Variants in REV3L observed in about 807,000 individuals in gnomAD.
The protein encoded by REV3L is REV3 like, DNA directed polymerase zeta catalytic subunit.
A neutral mutation model predicts 299.4 loss-of-function variants in REV3L; 69 were observed. That is an observed-to-expected ratio of 0.23 (90% confidence interval 0.19 to 0.28). The LOEUF is 0.28. REV3L is among the 10% of genes least tolerant of loss of function. The pLI is 1.00. For missense variants in REV3L, 3,128 were observed against 3,693.8 expected, an observed-to-expected ratio of 0.85 and a Z score of 3.97; for synonymous variants, 1,238 against 1,271.4, an observed-to-expected ratio of 0.97 and a Z score of 0.56.
intron 1 of REV3L, among the ~76,000 whole-genome samples, chr6:111,417,570 G>A (rs1311192875): frequency 6.6e-6 from 1 of 151,986 alleles, no homozygotes; most frequent in Non-Finnish European, 1.5e-5. Context: ...GCTTCACTGG[G>A]CCTTTTCTTT....
At chr6:111,341,701 C>T (rs1452942318) in intron 21 of REV3L, among the ~76,000 whole-genome samples, 3 of 152,030 alleles carry the variant, frequency 2.0e-5, no homozygotes, top group Non-Finnish European at 4.4e-5. Flanking sequence ...GCTCACAGCT[C>T]GAGTCTGTGG....
intron 2 of REV3L, among the ~76,000 whole-genome samples, chr6:111,412,669 CAAAT>C (rs1784368394): frequency 6.7e-6 from 1 of 150,288 alleles, no homozygotes; most frequent in African/African-American, 2.5e-5. Flanking sequence ...TAGTGGACAT[CAAAT>C]AAAGGACTAA....
chr6:111,449,066 G>A (rs969097823), intron 1 of REV3L, among the ~76,000 whole-genome samples: 1 of 152,116 alleles, frequency 6.6e-6, no homozygotes, highest in Non-Finnish European at 1.5e-5. Context: ...TAATGCTTGA[G>A]CTTAAACTTT....
intron 15 of REV3L, 39 bp from the exon 16 acceptor site, chr6:111,364,017 A>T: frequency 6.4e-7 from 1 of 1,571,788 alleles, no homozygotes; most frequent in Non-Finnish European, 8.6e-7. Context: ...CCAGAAAAAG[A>T]TACATGAGCA....
In REV3L at chr6:111,349,307, C is replaced by G; in HGVS notation, c.7330G>C (p.Glu2444Gln). 6.2e-7 allele frequency: 1 copy of G among 1,600,256 alleles called. No homozygotes were observed. The change falls in exon 20 of 32, where the codon GAA becomes CAA. Residue 2444 changes from glutamate (E) to glutamine (Q), a missense_variant. By Grantham distance (29) the Glu-to-Gln change is conservative (BLOSUM62 2). Transcript: ENST00000368802. ...GTATATGATCCATACTCATCTCTTTCAGCTGCAAATCTGTTCTCAATTTTG... is the reference window on the plus strand; with the variant it reads ...GTATATGATCCATACTCATCTCTTTGAGCTGCAAATCTGTTCTCAATTTTG... ...DDKIENRFAAERDEYGSYTMS... is the reference protein window; with the variant it reads ...DDKIENRFAAQRDEYGSYTMS...
intron 1 of REV3L, among the ~76,000 whole-genome samples, chr6:111,434,576 GC>G (rs1464924004): frequency 2.0e-5 from 3 of 149,664 alleles, no homozygotes; most frequent in Non-Finnish European, 4.4e-5. Flanking sequence ...CCAAGATTGT[GC>G]CACTGCACTC....
rs1264706290 is a variant in REV3L, at chr6:111,380,047, C to T, written c.1389G>A (p.Met463Ile). 3.1e-6 allele frequency: 5 copies of T among 1,613,858 alleles called. No homozygotes were observed. Among genetic ancestry groups the T allele is most frequent in the African/African-American group, 1.3e-5 (1 of 74,884 alleles). ...TCTGGGACATCACCAAACTAAGCTC[C>T]ATTTCCTCTTTTTCAATCTGTGGTT... is the stretch of plus-strand genomic sequence containing the variant. ...ENEPQIEKEE[M>I]ELSLVMSQRW... Residue 463 changes from methionine (M) to isoleucine (I), a missense_variant, in exon 11 of 32, where the codon ATG (methionine) becomes ATA (isoleucine). Met to Ile is a conservative substitution (Grantham distance 10). This residue lies in a region of REV3L where 2,409 missense variants were observed against 2,611.8 expected (regional missense o/e 0.92). Coordinates refer to ENST00000368802, the MANE Select transcript of REV3L (RefSeq NM_001372078.1).
chr6:111,327,135 T>A (rs187243331), intron 25 of REV3L, among the ~76,000 whole-genome samples: 3 of 152,342 alleles, frequency 2.0e-5, no homozygotes, highest in Non-Finnish European at 4.4e-5. Flanking sequence ...TCCTACCAAA[T>A]TCTGGTTATT....
rs569488496 is a variant in REV3L at position 111,433,012 on chromosome 6, C to T, written c.140-16540G>A. On this transcript the variant is annotated intron_variant, in intron 1 of 31. Coordinates refer to ENST00000368802, the MANE Select transcript of REV3L (RefSeq NM_001372078.1). ...TTCTTGAAACCAAAGGAAATGAAAA[C>T]ACAACATACCCAAACCTATGGGATA... 2.5e-3 allele frequency among the ~76,000 whole-genome samples: 376 copies of T among 152,054 alleles called. 1 individual carries two copies. Among genetic ancestry groups the T allele is most frequent in the Non-Finnish European group, 4.7e-3 (317 of 67,936 alleles).
chr6:111,312,996 G>A (rs573012404), intron 28 of REV3L: 1 of 164,500 alleles, frequency 6.1e-6, no homozygotes, highest in Admixed American at 6.4e-5. Flanking sequence ...GAGGAAGTCA[G>A]AAACTTAAGG....
intron 1 of REV3L, among the ~76,000 whole-genome samples, chr6:111,419,660 G>A (rs1785106211): frequency 6.6e-6 from 1 of 152,180 alleles, no homozygotes; most frequent in African/African-American, 2.4e-5. Flanking sequence ...GAGGTAGGTA[G>A]CTGGTACTAG....
chr6:111,345,643 G>A (rs770166601), intron 20 of REV3L, among the ~76,000 whole-genome samples: 4 of 151,898 alleles, frequency 2.6e-5, no homozygotes, highest in Admixed American at 2.0e-4. Context: ...CATCATCTCC[G>A]GTGCTTCCAG....
chr6:111,347,418 GAAC>G (rs1341644448), intron 20 of REV3L, among the ~76,000 whole-genome samples: 3 of 151,660 alleles, frequency 2.0e-5, no homozygotes, highest in Non-Finnish European at 4.4e-5. Context: ...ATTATTTTAA[GAAC>G]AACACAACAA....
intron 1 of REV3L, among the ~76,000 whole-genome samples, chr6:111,480,111 G>A (rs1237263359): frequency 6.6e-6 from 1 of 152,178 alleles, no homozygotes. Flanking sequence ...GATCTCATTT[G>A]TAAAGCAAAG....
intron 3 of REV3L, among the ~76,000 whole-genome samples, chr6:111,406,607 A>T (rs1331762332): frequency 6.6e-6 from 1 of 152,164 alleles, no homozygotes; most frequent in Non-Finnish European, 1.5e-5. Context: ...GACTAACTAG[A>T]TGTGAAGGGT....
chr6:111,302,955 TATGATTAACAGTGTTAAG>T (rs1771744408), intron 31 of REV3L, among the ~76,000 whole-genome samples: 1 of 152,172 alleles, frequency 6.6e-6, no homozygotes, highest in African/African-American at 2.4e-5. Flanking sequence ...CTTTCATGTT[TATGATTAACAGTGTTAAG>T]GTGATGAATT....
rs1781505078 is a variant in REV3L at position 111,387,899 on chromosome 6, G to T, written c.962C>A (p.Ser321Tyr). 2 of 1,613,882 alleles carry T rather than the reference G, an allele frequency of 1.2e-6. No homozygotes were observed. Among genetic ancestry groups the T allele is most frequent in the Non-Finnish European group, 1.7e-6 (2 of 1,179,852 alleles). Residue 321 changes from serine (S) to tyrosine (Y), a missense_variant, in exon 9 of 32, where the codon TCT becomes TAT. Ser to Tyr is a moderately radical substitution (Grantham distance 144). Coordinates refer to ENST00000368802, the MANE Select transcript of REV3L (RefSeq NM_001372078.1). ...QNDFSVTLSG[S>Y]VDYSDGSQEF... is the part of the protein sequence containing the mutation. ...CTGGGATCCATCGCTGTAGTCCACA[G>T]ATCCTGATAATGTTCTGCTTAATTA...
At chr6:111,428,444 T>A (rs1323445651) in intron 1 of REV3L, among the ~76,000 whole-genome samples, 1 of 152,014 alleles carries the variant, frequency 6.6e-6, no homozygotes, top group African/African-American at 2.4e-5. Flanking sequence ...ATACTCTCAA[T>A]AGCACAATGG....
intron 21 of REV3L, among the ~76,000 whole-genome samples, chr6:111,342,606 T>C (rs1015554020): frequency 6.6e-6 from 1 of 151,042 alleles, no homozygotes; most frequent in Non-Finnish European, 1.5e-5. Flanking sequence ...AGGCGGAGCT[T>C]GCAGTGAGCA....
Sources: allele counts gnomAD v4.1 joint callset (sites outside exome capture counted in the v4.1 genomes callset), GRCh38; gene constraint gnomAD v4.1.1; regional missense constraint gnomAD v4.1.1; transcripts MANE v1.5; gene names NCBI Gene and HGNC (gene_info 2026-07-23, HGNC 2026-07-21).